The following ONECUT1 variants were observed in gnomAD, a reference collection of about 807,000 sequenced individuals.
The protein encoded by ONECUT1 is hepatocyte nuclear factor 6.
Under a neutral mutation model 25.6 loss-of-function variants are expected in ONECUT1, and 12 were observed. That is an observed-to-expected ratio of 0.47 (90% confidence interval 0.30 to 0.76). ONECUT1 has a LOEUF of 0.76. Ranked by LOEUF, ONECUT1 falls within the 30% of genes least tolerant of loss-of-function variation. ONECUT1 has a pLI of 0.07. For missense variants in ONECUT1, 620 were observed against 651.2 expected (o/e 0.95, Z 0.52); for synonymous variants, 285 against 270.2 (o/e 1.05, Z -0.54).
chr15:52,768,161 T>C (rs1008828951), intron 1 of ONECUT1, among the ~76,000 whole-genome samples: 1 of 152,212 alleles, frequency 6.6e-6, no homozygotes, highest in East Asian at 1.9e-4. Flanking sequence ...TATAATTTAT[T>C]GTATATTTCA....
At chr15:52,762,243 C>A (rs1320188836) in intron 1 of ONECUT1, among the ~76,000 whole-genome samples, 2 of 152,150 alleles carry the variant, frequency 1.3e-5, no homozygotes, top group African/African-American at 2.4e-5. Flanking sequence ...CTGAAGCTAC[C>A]CCTGAGCCAG....
In ONECUT1 at chr15:52,789,425, C is replaced by T. The variant is rs1428796590; in HGVS notation, c.460G>A (p.Asp154Asn). 4.3e-6 allele frequency: 7 copies of T among 1,613,810 alleles called. No individual in the cohort carries two copies. The Admixed American group carries it at 1.2e-4, about 27-fold the overall frequency. The change falls in exon 1 of 2, where the codon GAT becomes AAT. Residue 154 changes from aspartate to asparagine, a missense_variant. This residue lies in a region of ONECUT1 where 440 missense variants were observed against 404.9 expected (regional missense o/e 1.09). Transcript: ENST00000305901. The surrounding 1 kb of genome is among the most constrained non-coding windows in gnomAD (Gnocchi z 4.1). ...NVSGSFTLMR[D>N]ERGLASMNNL... ...TTCATGGAGGCCAGCCCGCGCTCAT[C>T]CCGCATGAGCGTGAAGCTACCGCTC...
chr15:52,789,481 GGGTGGTGGTGGTGATGGTGGTGGT>G lies in ONECUT1; in HGVS notation c.380_403del (p.His127_His134del). On this transcript the variant is annotated inframe_deletion, in exon 1 of 2. Coordinates refer to ENST00000305901, the MANE Select transcript of ONECUT1 (RefSeq NM_004498.4). The surrounding 1 kb of genome is among the most constrained non-coding windows in gnomAD (Gnocchi z 4.1). ...GCCCGCCAGGCGCTGGTGGTGGTGC[GGGTGGTGGTGGTGATGGTGGTGGT>G]GGTGATGGTGGGGGAACTTGTCCGA... 1 of 1,612,934 alleles carries G rather than the reference GGGTGGTGGTGGTGATGGTGGTGGT, an allele frequency of 6.2e-7. No homozygotes were observed. Among genetic ancestry groups the G allele is most frequent in the Non-Finnish European group, 8.5e-7 (1 of 1,179,564 alleles).
intron 1 of ONECUT1, among the ~76,000 whole-genome samples, chr15:52,786,729 T>G (rs1012573875): frequency 4.6e-5 from 7 of 151,730 alleles, no homozygotes; most frequent in Non-Finnish European, 8.8e-5. Flanking sequence ...CAGGTTTCCA[T>G]GGCTCAGAGG....
intron 1 of ONECUT1, among the ~76,000 whole-genome samples, chr15:52,758,828 A>C (rs762412923): frequency 6.6e-6 from 1 of 152,106 alleles, no homozygotes; most frequent in African/African-American, 2.4e-5. Flanking sequence ...CACCCTAATG[A>C]GGCTCACTAG....
At chr15:52,757,965 C>T (rs1007997693) in intron 1 of ONECUT1, 118 bp from the exon 2 acceptor site, 1 of 1,109,546 alleles carries the variant, frequency 9.0e-7, no homozygotes. Context: ...GTTTGCTGAC[C>T]TCTGCTTTAA....
At chr15:52,765,660 T>TAC (rs1248058989) in intron 1 of ONECUT1, among the ~76,000 whole-genome samples, 1 of 152,210 alleles carries the variant, frequency 6.6e-6, no homozygotes, top group Non-Finnish European at 1.5e-5. Flanking sequence ...TCCAGGCCAG[T>TAC]ACCTACACTG....
At chr15:52,770,169 T>A (rs1242189792) in intron 1 of ONECUT1, among the ~76,000 whole-genome samples, 3 of 152,212 alleles carry the variant, frequency 2.0e-5, no homozygotes, top group Non-Finnish European at 4.4e-5. Flanking sequence ...CATTCTGCAG[T>A]GGGAGAGACT....
At position 52,782,377 on chromosome 15, in the gene ONECUT1, T is replaced by C. The variant is rs150185833; in HGVS notation, c.1105+6403A>G. 1.8e-3 allele frequency among the ~76,000 whole-genome samples: 281 copies of C among 152,314 alleles called. 1 individual carries two copies. The highest frequency in any genetic ancestry group is 6.6e-3 in the African/African-American group (273 of 41,564). ...TTATTATCTCAGGAGGAAATTAAAC[T>C]TCGTTAGTATTAACATACTTGTATT... On this transcript the variant is annotated intron_variant, in intron 1 of 1. Transcript: ENST00000305901.
chr15:52,755,405 A>G lies in ONECUT1; in HGVS notation c.*2150T>C, dbSNP rs540600886. On this transcript the variant is annotated 3_prime_UTR_variant, in exon 2 of 2. Transcript: ENST00000305901. ...GAACTATAATTGTGCCATATTTAGA[A>G]GGGAAATTTTTAAGCTGGAGTTGTG... Among the ~76,000 whole-genome samples the G allele has an allele frequency of 6.6e-6, 1 of 152,330 alleles. No homozygotes were observed.
At chr15:52,773,244 AAG>A (rs57065378) in intron 1 of ONECUT1, among the ~76,000 whole-genome samples, 4 of 150,434 alleles carry the variant, frequency 2.7e-5, no homozygotes, top group Non-Finnish European at 4.4e-5. Flanking sequence ...GAGAGAGAGA[AAG>A]AGAGAGAGAG....
chr15:52,779,797 A>G (rs1027364970), intron 1 of ONECUT1, among the ~76,000 whole-genome samples: 1 of 152,242 alleles, frequency 6.6e-6, no homozygotes, highest in Non-Finnish European at 1.5e-5. Flanking sequence ...TCTAATCCAC[A>G]TGCGAATGTG....
intron 1 of ONECUT1, among the ~76,000 whole-genome samples, chr15:52,762,526 A>C (rs1566988862): frequency 6.6e-6 from 1 of 152,188 alleles, no homozygotes; most frequent in Non-Finnish European, 1.5e-5. Context: ...AGCACTGTAG[A>C]CGTTACAATA....
Position 52,757,629 on chromosome 15 carries a change from C to T in ONECUT1, c.1324G>A (p.Asp442Asn). ...FFMNARRRSL[D>N]KWQDEGSSNS... The stretch of plus-strand genomic sequence containing the variant: ...GAGCTGCCCTCGTCCTGCCACTTGT[C>T]CAGACTCCTCCTTCTTGCGTTCATG... The change falls in exon 2 of 2, where the codon GAC (aspartate) becomes AAC (asparagine). Residue 442 changes from aspartate to asparagine, a missense_variant. Transcript: ENST00000305901. The T allele has an allele frequency of 2.5e-6, 4 of 1,614,116 alleles. No homozygotes were observed. The highest frequency in any genetic ancestry group is 3.4e-6 in the Non-Finnish European group (4 of 1,180,022).
Position 52,757,722 on chromosome 15 carries a change from A to G in ONECUT1, c.1231T>C (p.Ser411Pro). The G allele has an allele frequency of 1.9e-6, 3 of 1,614,132 alleles. No homozygotes were observed. Among genetic ancestry groups the G allele is most frequent in the Non-Finnish European group, 2.5e-6 (3 of 1,180,012 alleles). ...GAAATGGTGATTTGCAATTCTTTGGATGGACGCTTATTTTCCTTGAATATT... is the reference window on the plus strand; with the variant it reads ...GAAATGGTGATTTGCAATTCTTTGGGTGGACGCTTATTTTCCTTGAATATT... ...HAIFKENKRP[S>P]KELQITISQQ... Residue 411 changes from serine to proline, a missense_variant, in exon 2 of 2, where the codon TCC becomes CCC. Coordinates refer to ENST00000305901, the MANE Select transcript of ONECUT1 (RefSeq NM_004498.4).
intron 1 of ONECUT1, among the ~76,000 whole-genome samples, chr15:52,764,551 T>C (rs2083723353): frequency 6.6e-6 from 1 of 152,166 alleles, no homozygotes; most frequent in Non-Finnish European, 1.5e-5. Flanking sequence ...TATCCACTCA[T>C]ATGTGGCTTG....
intron 1 of ONECUT1, among the ~76,000 whole-genome samples, chr15:52,776,817 C>T (rs923737868): frequency 3.9e-5 from 6 of 152,114 alleles, no homozygotes; most frequent in South Asian, 4.1e-4. Context: ...AGGAGGCACC[C>T]GATCAGTGTT....
At chr15:52,768,278 G>C (rs1215029932) in intron 1 of ONECUT1, among the ~76,000 whole-genome samples, 1 of 152,112 alleles carries the variant, frequency 6.6e-6, no homozygotes, top group African/African-American at 2.4e-5. Flanking sequence ...CACATTGTCT[G>C]CTTGTATCAA....
rs1482285821 is a variant in ONECUT1 at position 52,788,629 on chromosome 15, C to G, written c.1105+151G>C. 3.7e-6 allele frequency: 3 copies of G among 816,366 alleles called. No individual in the cohort carries two copies. The highest frequency in any genetic ancestry group is 5.6e-6 in the Non-Finnish European group (3 of 531,396). 50.6% of individuals were successfully genotyped at this position (816,366 alleles called of 1,614,324 possible). ...GGCAATTTGCTCCCACAGCCCTGTG[C>G]TGGCCCTTCCAGGCACAGGGAGTCC... is the stretch of plus-strand genomic sequence containing the variant. On this transcript the variant is annotated intron_variant, in intron 1 of 1. Transcript: ENST00000305901. The surrounding 1 kb of genome is among the most constrained non-coding windows in gnomAD (Gnocchi z 4.3).
Sources: gnomAD v4.1 joint callset for allele counts (sites outside exome capture counted in the v4.1 genomes callset) on GRCh38, gnomAD v4.1.1 for gene constraint, gnomAD v4.1.1 regional missense constraint, Gnocchi (gnomAD v3.1) non-coding constraint, MANE v1.5 for transcripts, NCBI Gene and HGNC (gene_info 2026-07-23, HGNC 2026-07-21) for gene names.